PCDH15: variants seen among roughly 807,000 people sequenced by gnomAD.
The protein encoded by PCDH15 is protocadherin related 15.
In PCDH15, 129 loss-of-function variants were observed where a neutral mutation model predicts 178.5. The observed-to-expected ratio is 0.72, with a 90% confidence interval of 0.63 to 0.84. The LOEUF is 0.84. PCDH15 is among the 40% of genes least tolerant of loss of function. The probability of loss-of-function intolerance (pLI) is 0.00; values close to 1 mark genes in which losing one functional copy is unlikely to be tolerated. For synonymous variants in PCDH15, 800 were observed against 732.0 expected, an observed-to-expected ratio of 1.09 and a Z score of -1.50; for missense variants, 2,230 against 2,099.9, an observed-to-expected ratio of 1.06 and a Z score of -1.21.
At chr10:55,110,413 G>A (rs536563941) in intron 2 of PCDH15, among the ~76,000 whole-genome samples, 58 of 152,080 alleles carry the variant, frequency 3.8e-4, no homozygotes, top group African/African-American at 1.4e-3. Context: ...GAATGTAGTC[G>A]TTTAAAAAGC....
At chr10:54,005,232 C>G (rs1014785567) in intron 20 of PCDH15, among the ~76,000 whole-genome samples, 4 of 152,062 alleles carry the variant, frequency 2.6e-5, no homozygotes, top group African/African-American at 9.7e-5. Context: ...TGCGGAAACT[C>G]TCCAGGAGAT....
Position 53,847,508 on chromosome 10 carries a change from G to T in PCDH15, c.3807-7012C>A, listed in dbSNP as rs571051165. Among the ~76,000 whole-genome samples, 3 of 152,122 alleles carry T rather than the reference G, an allele frequency of 2.0e-5. No homozygotes were observed. The East Asian group carries it at 5.8e-4, about 29-fold the overall frequency. ...CCTAAGTAGTGCTCTAGATGCCATG[G>T]AGCATTTTGTTCATTACATTACATG... On this transcript the variant is annotated intron_variant, in intron 28 of 37. Transcript: ENST00000644397.
At chr10:54,781,308 C>T (rs1216656896) in intron 1 of PCDH15, among the ~76,000 whole-genome samples, 1 of 151,982 alleles carries the variant, frequency 6.6e-6, no homozygotes. Context: ...AATGTTATCC[C>T]TCCCCTAGCC....
chr10:54,156,627 T>C (rs1386293249), intron 13 of PCDH15, among the ~76,000 whole-genome samples: 3 of 152,152 alleles, frequency 2.0e-5, no homozygotes, highest in Non-Finnish European at 4.4e-5. Context: ...AACCATATCA[T>C]TCCAACCCTG....
At chr10:54,048,632 C>A (rs1440468766) in intron 18 of PCDH15, among the ~76,000 whole-genome samples, 3 of 152,210 alleles carry the variant, frequency 2.0e-5, no homozygotes, top group Admixed American at 2.0e-4. Flanking sequence ...CCAGTTATCC[C>A]AACATTTATT....
intron 2 of PCDH15, among the ~76,000 whole-genome samples, chr10:55,539,500 A>G (rs1460446841): frequency 6.6e-6 from 1 of 152,076 alleles, no homozygotes; most frequent in Non-Finnish European, 1.5e-5. Context: ...GTACTTCAAA[A>G]GAAAGTAAAA....
At chr10:54,399,943 T>C (rs771467576) in intron 3 of PCDH15, among the ~76,000 whole-genome samples, 2 of 152,106 alleles carry the variant, frequency 1.3e-5, no homozygotes, top group Non-Finnish European at 2.9e-5. Flanking sequence ...CTTTCTTTTC[T>C]TTTTACCTCT....
At chr10:54,096,656 CAG>C (rs1305828607) in intron 15 of PCDH15, among the ~76,000 whole-genome samples, 1 of 152,126 alleles carries the variant, frequency 6.6e-6, no homozygotes, top group Non-Finnish European at 1.5e-5. Context: ...ATAGTAGAAA[CAG>C]AGAGCTCTGG....
chr10:54,508,294 C>T (rs999806265), intron 3 of PCDH15, among the ~76,000 whole-genome samples: 16 of 151,930 alleles, frequency 1.1e-4, no homozygotes, highest in African/African-American at 3.9e-4. Flanking sequence ...CACTTAGAGG[C>T]ATTGCAGCAT....
intron 1 of PCDH15, among the ~76,000 whole-genome samples, chr10:55,260,796 C>G (rs1307473162): frequency 1.3e-5 from 2 of 152,084 alleles, no homozygotes; most frequent in Non-Finnish European, 2.9e-5. Flanking sequence ...AATAGATAAG[C>G]AAAATCTTTC....
At chr10:54,447,475 A>G (rs1378492623) in intron 3 of PCDH15, among the ~76,000 whole-genome samples, 1 of 151,596 alleles carries the variant, frequency 6.6e-6, no homozygotes, top group Non-Finnish European at 1.5e-5. Flanking sequence ...TATAAGTGAG[A>G]TTATGTCATG....
chr10:54,130,804 T>C (rs1358219463), intron 15 of PCDH15, among the ~76,000 whole-genome samples: 1 of 152,192 alleles, frequency 6.6e-6, no homozygotes, highest in Non-Finnish European at 1.5e-5. Flanking sequence ...AGGATGAGGA[T>C]GGAGGCAGCC....
intron 2 of PCDH15, among the ~76,000 whole-genome samples, chr10:55,385,917 A>G (rs1837649347): frequency 6.6e-6 from 1 of 151,400 alleles, no homozygotes; most frequent in South Asian, 2.1e-4. Context: ...CTACAAACAC[A>G]TATTTATAAA....
At chr10:54,228,393 A>G (rs1226584452) in intron 9 of PCDH15, among the ~76,000 whole-genome samples, 1 of 152,166 alleles carries the variant, frequency 6.6e-6, no homozygotes, top group African/African-American at 2.4e-5. Flanking sequence ...TATCACAATA[A>G]CAACACAGGA....
At chr10:54,075,104 G>A (rs4288674) in intron 17 of PCDH15, among the ~76,000 whole-genome samples, 16 of 152,178 alleles carry the variant, frequency 1.1e-4, no homozygotes, top group Admixed American at 2.0e-4. Context: ...CGGGCTGGGC[G>A]TGGTGGCTCA....
At chr10:55,464,612 G>C (rs1226508893) in intron 2 of PCDH15, among the ~76,000 whole-genome samples, 2 of 105,562 alleles carry the variant, frequency 1.9e-5, no homozygotes, top group Non-Finnish European at 3.6e-5. Flanking sequence ...GCCTAAAACA[G>C]TAAATGGGAG....
intron 1 of PCDH15, among the ~76,000 whole-genome samples, chr10:55,200,294 A>G (rs896966161): frequency 6.6e-6 from 1 of 152,090 alleles, no homozygotes; most frequent in Non-Finnish European, 1.5e-5. Flanking sequence ...AAATGAGATT[A>G]TTTTGGAGCT....
chr10:55,284,099 C>G (rs1842805610), intron 1 of PCDH15, among the ~76,000 whole-genome samples: 1 of 152,122 alleles, frequency 6.6e-6, no homozygotes, highest in Admixed American at 6.6e-5. Context: ...TAAAATTCCA[C>G]ACAAATCCCA....
chr10:54,745,939 T>C (rs1945399677), intron 1 of PCDH15, among the ~76,000 whole-genome samples: 1 of 152,188 alleles, frequency 6.6e-6, no homozygotes, highest in East Asian at 1.9e-4. Context: ...CAATTTTAGA[T>C]AATAGGAAAA....
Sources: gnomAD v4.1 joint callset for allele counts (sites outside exome capture counted in the v4.1 genomes callset) on GRCh38, gnomAD v4.1.1 for gene constraint, MANE v1.5 for transcripts, NCBI Gene and HGNC (gene_info 2026-07-23, HGNC 2026-07-21) for gene names.